WSCD2: variants seen among roughly 807,000 people sequenced by gnomAD.
The protein encoded by WSCD2 is sialate:O-sulfotransferase 2.
Under a neutral mutation model 55.7 loss-of-function variants are expected in WSCD2, and 28 were observed. The observed-to-expected ratio is 0.50, with a 90% CI of 0.37 to 0.69. The LOEUF (loss-of-function observed/expected upper bound fraction) is 0.69, where lower values mean the gene tolerates loss of function less well. WSCD2 is among the 30% of genes least tolerant of loss of function. WSCD2 has a pLI of 0.00. For synonymous variants in WSCD2, 301 were observed against 301.9 expected, an observed-to-expected ratio of 1.00 and a Z score of 0.03; for missense variants, 616 against 762.1, an observed-to-expected ratio of 0.81 and a Z score of 2.26.
intron 4 of WSCD2, among the ~76,000 whole-genome samples, chr12:108,221,112 A>C (rs988570018): frequency 1.3e-5 from 2 of 152,170 alleles, no homozygotes; most frequent in Non-Finnish European, 2.9e-5. Flanking sequence ...CAGCAAATTC[A>C]AGTGGAGTGG....
intron 1 of WSCD2, among the ~76,000 whole-genome samples, chr12:108,181,234 C>G (rs1881705230): frequency 6.6e-6 from 1 of 152,328 alleles, no homozygotes; most frequent in Middle Eastern, 3.4e-3. Flanking sequence ...TGCAACCAGA[C>G]AGACCTTCCT....
chr12:108,174,057 G>A (rs1880539397), intron 1 of WSCD2, among the ~76,000 whole-genome samples: 1 of 152,074 alleles, frequency 6.6e-6, no homozygotes, highest in South Asian at 2.1e-4. Context: ...GAATCCCTGT[G>A]CTGAATTATG....
At chr12:108,154,994 C>T (rs1490278690) in intron 1 of WSCD2, among the ~76,000 whole-genome samples, 1 of 152,060 alleles carries the variant, frequency 6.6e-6, no homozygotes, top group Admixed American at 6.6e-5. Context: ...GCCCCAGATC[C>T]CAGCCTGCAG....
intron 1 of WSCD2, among the ~76,000 whole-genome samples, chr12:108,144,480 G>T (rs1390510107): frequency 6.6e-6 from 1 of 152,134 alleles, no homozygotes; most frequent in Non-Finnish European, 1.5e-5. Flanking sequence ...AACTCTCTCT[G>T]CAGAGGCTGA....
intron 5 of WSCD2, 67 bp downstream of exon 5, chr12:108,224,927 C>T: frequency 6.4e-7 from 1 of 1,566,238 alleles, no homozygotes; most frequent in Non-Finnish European, 8.6e-7. Context: ...GCAGGAACCA[C>T]ATGCTTGGCT....
intron 6 of WSCD2, among the ~76,000 whole-genome samples, chr12:108,228,774 C>A (rs1888413212): frequency 6.6e-6 from 1 of 152,166 alleles, no homozygotes; most frequent in Non-Finnish European, 1.5e-5. Context: ...TGATGGGGTA[C>A]CAGTGGTGAT....
intron 1 of WSCD2, among the ~76,000 whole-genome samples, chr12:108,177,494 C>A (rs1881042044): frequency 6.6e-6 from 1 of 152,148 alleles, no homozygotes; most frequent in Non-Finnish European, 1.5e-5. Context: ...GTTACTGAAG[C>A]TCTCTGGGCC....
intron 1 of WSCD2, among the ~76,000 whole-genome samples, chr12:108,172,461 G>T (rs910346859): frequency 1.3e-5 from 2 of 152,204 alleles, no homozygotes; most frequent in Non-Finnish European, 2.9e-5. Context: ...CTCAGAATTG[G>T]ATCTTATTTG....
intron 7 of WSCD2, among the ~76,000 whole-genome samples, chr12:108,239,364 CT>C (rs1889522985): frequency 2.0e-5 from 3 of 152,188 alleles, no homozygotes; most frequent in African/African-American, 7.2e-5. Context: ...TGCCACTTGA[CT>C]AGGTCAGTGA....
intron 4 of WSCD2, among the ~76,000 whole-genome samples, chr12:108,223,551 C>T (rs987192472): frequency 1.3e-5 from 2 of 152,138 alleles, no homozygotes; most frequent in African/African-American, 2.4e-5. Flanking sequence ...TGTTTCTACT[C>T]CTTCACTTGT....
At chr12:108,184,450 G>A (rs560792046) in intron 1 of WSCD2, among the ~76,000 whole-genome samples, 12 of 152,192 alleles carry the variant, frequency 7.9e-5, no homozygotes, top group African/African-American at 2.4e-4. Context: ...TGCTGTCACC[G>A]TTCCTAAATT....
chr12:108,177,857 C>G (rs1290762308), intron 1 of WSCD2, among the ~76,000 whole-genome samples: 1 of 151,940 alleles, frequency 6.6e-6, no homozygotes, highest in African/African-American at 2.4e-5. Context: ...TGAGAGGGGA[C>G]AGTGGAGAGC....
Position 108,195,694 on chromosome 12 carries a change from G to A in WSCD2, c.-139G>A. 1 of 1,240,404 alleles carries A rather than the reference G, an allele frequency of 8.1e-7. No homozygotes were observed. Among genetic ancestry groups the A allele is most frequent in the South Asian group, 1.6e-5 (1 of 62,802 alleles). 76.8% of individuals were successfully genotyped at this position (1,240,404 alleles called of 1,614,324 possible). ...CTTGCCCTCCCCTTCTGGCCTTGGT[G>A]ATCACTTTTTCAGGAAGAGTGAGAC... On this transcript the variant is annotated 5_prime_UTR_variant, in exon 2 of 9. Coordinates refer to ENST00000547525, the MANE Select transcript of WSCD2 (RefSeq NM_014653.4).
rs1277913288 is a variant in WSCD2 at position 108,240,489 on chromosome 12, C to G, written c.1290C>G (p.Asn430Lys). ...ACAAAGCCCTCATGGCTGAGTTCAA[C>G]CGCAAGTACGGCGGCCACATAGGCT... ...NPYKALMAEF[N>K]RKYGGHIGFA... Residue 430 changes from asparagine to lysine, a missense_variant, in exon 8 of 9, where the codon AAC (asparagine) becomes AAG (lysine). By Grantham distance (94) the Asn-to-Lys change is moderately conservative. This residue lies in a region of WSCD2 where 234 missense variants were observed against 264.6 expected (regional missense o/e 0.88). Transcript: ENST00000547525. 1.9e-6 allele frequency: 3 copies of G among 1,613,676 alleles called. No individual in the cohort carries two copies. The highest frequency in any genetic ancestry group is 2.5e-6 in the Non-Finnish European group (3 of 1,180,028).
rs761058784 is a variant in WSCD2 at position 108,210,272 on chromosome 12, C to A, written c.649C>A (p.Arg217=). 4 of 1,604,320 alleles carry A rather than the reference C, an allele frequency of 2.5e-6. No individual in the cohort carries two copies. Among genetic ancestry groups the A allele is most frequent in the African/African-American group, 2.7e-5 (2 of 74,710 alleles). The part of the protein sequence containing the change: ...CGGANRLSVY[R]LQLAQESARR... The stretch of plus-strand genomic sequence containing the variant: ...CGGCGCCAACCGCCTCTCTGTCTAC[C>A]GGCTGCAGCTGGCCCAGGAGTCGGC... The change falls in exon 4 of 9, where the codon CGG becomes AGG. Residue 217 remains arginine (R), a synonymous_variant. Coordinates refer to ENST00000547525, the MANE Select transcript of WSCD2 (RefSeq NM_014653.4). This position sits in a 1 kb window ranked among gnomAD's most constrained non-coding sequence, Gnocchi z 4.3.
chr12:108,164,138 C>CTTTTTTTTTTTTTGTTT, intron 1 of WSCD2, among the ~76,000 whole-genome samples: 1 of 71,706 alleles, frequency 1.4e-5, no homozygotes, highest in African/African-American at 4.9e-5. Context: ...AATCTTAAAT[C>CTTTTTTTTTTTTTGTTT]CTTTTTTTTT....
intron 7 of WSCD2, among the ~76,000 whole-genome samples, chr12:108,233,995 A>G (rs1192125102): frequency 6.6e-6 from 1 of 152,202 alleles, no homozygotes; most frequent in Non-Finnish European, 1.5e-5. Context: ...TCATGCACAA[A>G]TTAGAGATAA....
chr12:108,146,920 A>G (rs1167298110), intron 1 of WSCD2, among the ~76,000 whole-genome samples: 1 of 152,206 alleles, frequency 6.6e-6, no homozygotes, highest in Non-Finnish European at 1.5e-5. Context: ...ACTCATTAAC[A>G]ATGAACTTCA....
intron 1 of WSCD2, among the ~76,000 whole-genome samples, chr12:108,148,154 G>A (rs2136904143): frequency 6.6e-6 from 1 of 152,326 alleles, no homozygotes. Flanking sequence ...GCCGACCTGT[G>A]CATTGTAGGA....
Sources: allele counts gnomAD v4.1 joint callset (sites outside exome capture counted in the v4.1 genomes callset), GRCh38; gene constraint gnomAD v4.1.1; regional missense constraint gnomAD v4.1.1; non-coding constraint Gnocchi (gnomAD v3.1); transcripts MANE v1.5; gene names NCBI Gene and HGNC (gene_info 2026-07-23, HGNC 2026-07-21).